Variants in LTBP1 observed in about 807,000 individuals in gnomAD.
LTBP1 encodes the protein latent-transforming growth factor beta-binding protein 1.
A neutral mutation model predicts 207.6 loss-of-function variants in LTBP1; 129 were observed. The ratio of observed to expected loss-of-function variants is 0.62; its 90% CI spans 0.54 to 0.72. The LOEUF (loss-of-function observed/expected upper bound fraction) is 0.72, where lower values mean the gene tolerates loss of function less well. Ranked by LOEUF, LTBP1 falls within the 30% of genes least tolerant of loss-of-function variation. LTBP1 has a pLI of 0.00. For missense variants in LTBP1, 2,281 were observed against 2,217.2 expected (o/e 1.03, Z -0.58); for synonymous variants, 963 against 833.7 (o/e 1.16, Z -2.67).
chr2:33,162,078 T>C (rs2084517815), intron 5 of LTBP1, among the ~76,000 whole-genome samples: 1 of 152,202 alleles, frequency 6.6e-6, no homozygotes, highest in African/African-American at 2.4e-5. Flanking sequence ...AGATAAATAA[T>C]TTCTGTGTTT....
chr2:33,394,656 T>C lies in LTBP1; in HGVS notation c.4835-2477T>C, dbSNP rs773858704. ...TTCTGAGGGCTCTGTTCCGTTCCAT[T>C]GGTCTGTATCTGTGTTTTGGTACGA... is the stretch of plus-strand genomic sequence containing the variant. On this transcript the variant is annotated intron_variant, in intron 32 of 33. Coordinates refer to ENST00000404816, the MANE Select transcript of LTBP1 (RefSeq NM_206943.4). Among the ~76,000 whole-genome samples the C allele has an allele frequency of 2.2e-4, 34 of 152,210 alleles. 1 individual carries two copies. Among genetic ancestry groups the C allele is most frequent in the Non-Finnish European group, 1.3e-4 (9 of 68,036 alleles).
chr2:33,160,834 C>G (rs1016934641), intron 5 of LTBP1, among the ~76,000 whole-genome samples: 10 of 152,190 alleles, frequency 6.6e-5, no homozygotes, highest in African/African-American at 2.4e-4. Flanking sequence ...GAGATGACAT[C>G]TAGGCCCAGC....
At chr2:33,140,112 C>T (rs369255625) in intron 5 of LTBP1, among the ~76,000 whole-genome samples, 1 of 152,196 alleles carries the variant, frequency 6.6e-6, no homozygotes, top group African/African-American at 2.4e-5. Flanking sequence ...GTCTGATGCT[C>T]TGCACTGAAA....
At chr2:32,992,889 A>G (rs1684639123) in intron 2 of LTBP1, among the ~76,000 whole-genome samples, 1 of 152,100 alleles carries the variant, frequency 6.6e-6, no homozygotes, top group African/African-American at 2.4e-5. Flanking sequence ...GGGAGTGGGA[A>G]ACAGGGCTGG....
At chr2:33,223,767 T>C (rs1298040651) in intron 9 of LTBP1, among the ~76,000 whole-genome samples, 1 of 152,180 alleles carries the variant, frequency 6.6e-6, no homozygotes, top group Non-Finnish European at 1.5e-5. Flanking sequence ...TCAGTGTTCA[T>C]TATTGTCTTT....
chr2:33,335,529 C>T (rs1038715462), intron 24 of LTBP1, among the ~76,000 whole-genome samples: 1 of 152,178 alleles, frequency 6.6e-6, no homozygotes, highest in African/African-American at 2.4e-5. Context: ...TTTCCATATC[C>T]TATTGTATTG....
At chr2:33,196,350 A>G (rs1049261234) in intron 7 of LTBP1, among the ~76,000 whole-genome samples, 1 of 152,208 alleles carries the variant, frequency 6.6e-6, no homozygotes, top group Non-Finnish European at 1.5e-5. Context: ...TATAAATAGA[A>G]TAGTATATTT....
chr2:33,289,565 TGTG>T (rs1255794071), intron 19 of LTBP1, among the ~76,000 whole-genome samples: 2 of 152,136 alleles, frequency 1.3e-5, no homozygotes, highest in African/African-American at 4.8e-5. Flanking sequence ...AGGGGCTTGC[TGTG>T]GTGGCCAGAC....
chr2:33,262,865 A>G, intron 14 of LTBP1, 44 bp downstream of exon 14: 1 of 1,422,798 alleles, frequency 7.0e-7, no homozygotes, highest in Non-Finnish European at 9.7e-7. Flanking sequence ...TATTCTGAAT[A>G]AAAATGTAAG....
intron 31 of LTBP1, among the ~76,000 whole-genome samples, chr2:33,380,605 G>A (rs2095201634): frequency 6.6e-6 from 1 of 151,992 alleles, no homozygotes; most frequent in African/African-American, 2.4e-5. Context: ...TAAAATCATA[G>A]AATATGCAAG....
At chr2:33,202,185 A>G (rs1032168953) in intron 7 of LTBP1, among the ~76,000 whole-genome samples, 2 of 152,204 alleles carry the variant, frequency 1.3e-5, no homozygotes, top group African/African-American at 4.8e-5. Context: ...TCCTAATTGC[A>G]TGGCTGAAAT....
intron 26 of LTBP1, among the ~76,000 whole-genome samples, chr2:33,350,367 G>A (rs1412533436): frequency 1.3e-5 from 2 of 152,142 alleles, no homozygotes; most frequent in Non-Finnish European, 2.9e-5. Flanking sequence ...CAGGTTTCAG[G>A]TCAGTATCCA....
chr2:33,070,536 G>A (rs565703921), intron 3 of LTBP1, among the ~76,000 whole-genome samples: 1 of 152,176 alleles, frequency 6.6e-6, no homozygotes, highest in African/African-American at 2.4e-5. Flanking sequence ...CCTCTTTACT[G>A]TTCGGTGATT....
At chr2:33,131,283 G>T (rs538233073) in intron 4 of LTBP1, among the ~76,000 whole-genome samples, 1 of 152,300 alleles carries the variant, frequency 6.6e-6, no homozygotes, top group African/African-American at 2.4e-5. Flanking sequence ...TTTTGCGGGA[G>T]AGCTTGTGTC....
chr2:33,390,495 T>A (rs942168214), intron 32 of LTBP1, among the ~76,000 whole-genome samples: 5 of 148,348 alleles, frequency 3.4e-5, no homozygotes, highest in Non-Finnish European at 7.5e-5. Context: ...CACCACAAAT[T>A]TTTTTTTTTT....
intron 10 of LTBP1, among the ~76,000 whole-genome samples, chr2:33,251,178 A>G (rs1273738741): frequency 6.6e-6 from 1 of 152,130 alleles, no homozygotes; most frequent in African/African-American, 2.4e-5. Flanking sequence ...CCTCGGCAAA[A>G]TTTTGCACAG....
At chr2:33,017,571 A>G (rs1688559370) in intron 2 of LTBP1, among the ~76,000 whole-genome samples, 1 of 152,158 alleles carries the variant, frequency 6.6e-6, no homozygotes, top group African/African-American at 2.4e-5. Flanking sequence ...TATTGTAGGA[A>G]AAGGGGCTTG....
chr2:33,277,815 T>TC (rs1558933866), intron 18 of LTBP1, among the ~76,000 whole-genome samples: 52 of 86,022 alleles, frequency 6.0e-4, no homozygotes, highest in Middle Eastern at 5.4e-3. Flanking sequence ...CTTTCTTTTT[T>TC]TCTTTCTTTC....
chr2:33,143,056 G>C (rs2082757774), intron 5 of LTBP1, among the ~76,000 whole-genome samples: 1 of 152,128 alleles, frequency 6.6e-6, no homozygotes, highest in South Asian at 2.1e-4. Flanking sequence ...CTCTACTTCT[G>C]CCAAACTGAG....
Sources: allele counts gnomAD v4.1 joint callset (sites outside exome capture counted in the v4.1 genomes callset), GRCh38; gene constraint gnomAD v4.1.1; transcripts MANE v1.5; gene names NCBI Gene and HGNC (gene_info 2026-07-23, HGNC 2026-07-21).